The following KDM5A variants were observed in gnomAD, a reference collection of about 807,000 sequenced individuals.
KDM5A encodes lysine demethylase 5A, also known as lysine-specific demethylase 5A.
In KDM5A, 42 loss-of-function variants were observed where a neutral mutation model predicts 193.5. The ratio of observed to expected loss-of-function variants is 0.22; its 90% CI spans 0.17 to 0.28. The LOEUF (loss-of-function observed/expected upper bound fraction) is 0.28, where lower values mean the gene tolerates loss of function less well. KDM5A is among the 10% of genes least tolerant of loss of function. KDM5A has a pLI of 1.00. For missense variants in KDM5A, 1,692 were observed against 2,055.1 expected (o/e 0.82, Z 3.42); for synonymous variants, 796 against 718.1 (o/e 1.11, Z -1.73).
chr12:349,856 G>T (rs138374786), intron 10 of KDM5A, among the ~76,000 whole-genome samples: 2 of 151,642 alleles, frequency 1.3e-5, no homozygotes, highest in African/African-American at 4.8e-5. Context: ...CTGGCCGGGC[G>T]CAGTGACTCA....
rs1229940123 is a variant in KDM5A at position 323,126 on chromosome 12, C to T, written c.2231G>A (p.Ser744Asn). 3 of 1,554,916 alleles carry T rather than the reference C, an allele frequency of 1.9e-6. No individual in the cohort carries two copies. The African/African-American group carries it at 4.3e-5, about 22-fold the overall frequency. ...AGCAGACAATGCTTCTGTAACACGA[C>T]TGACCCAAGTGTCATAGGACTGTGC... ...VRAQSYDTWV[S>N]RVTEALSANF... Residue 744 changes from serine (S) to asparagine (N), a missense_variant, in exon 16 of 28, where the codon AGT (serine) becomes AAT (asparagine). Physicochemically the swap from Ser to Asn is conservative, Grantham distance 46 (BLOSUM62 1). Coordinates refer to ENST00000399788, the MANE Select transcript of KDM5A (RefSeq NM_001042603.3).
At chr12:298,793 A>G (rs1457577291) in intron 24 of KDM5A, among the ~76,000 whole-genome samples, 1 of 152,124 alleles carries the variant, frequency 6.6e-6, no homozygotes, top group Non-Finnish European at 1.5e-5. Context: ...AAGGAAGCTA[A>G]GAACCTTCAG....
chr12:311,531 C>T (rs546964467), intron 20 of KDM5A, among the ~76,000 whole-genome samples: 10 of 151,962 alleles, frequency 6.6e-5, no homozygotes, highest in Non-Finnish European at 1.5e-4. Flanking sequence ...GTTACCTATA[C>T]TTATTGACTT....
At chr12:340,246 T>C (rs1943984063) in intron 10 of KDM5A, among the ~76,000 whole-genome samples, 1 of 152,108 alleles carries the variant, frequency 6.6e-6, no homozygotes, top group Non-Finnish European at 1.5e-5. Flanking sequence ...AAAAGCCCTA[T>C]GTAGAGGCCT....
chr12:368,145 A>C (rs1300893789), intron 3 of KDM5A, among the ~76,000 whole-genome samples: 1 of 152,236 alleles, frequency 6.6e-6, no homozygotes, highest in Non-Finnish European at 1.5e-5. Context: ...TGAAAATATA[A>C]AATAAGCCAG....
intron 19 of KDM5A, among the ~76,000 whole-genome samples, chr12:316,904 A>T (rs1489986149): frequency 6.6e-6 from 1 of 152,226 alleles, no homozygotes; most frequent in East Asian, 1.9e-4. Flanking sequence ...ACACAGAGGT[A>T]TTGAAATGAA....
chr12:317,950 C>T (rs1479709039), intron 19 of KDM5A, among the ~76,000 whole-genome samples, 156 bp downstream of exon 19: 1 of 152,124 alleles, frequency 6.6e-6, no homozygotes, highest in African/African-American at 2.4e-5. Flanking sequence ...AATACCTTTC[C>T]CACCTACACA....
chr12:308,132 C>T, intron 22 of KDM5A, 127 bp from the exon 23 acceptor site: 1 of 1,023,842 alleles, frequency 9.8e-7, no homozygotes, highest in Non-Finnish European at 1.5e-6. Flanking sequence ...AATGTGGGGC[C>T]CCTGGCGGTT....
chr12:330,073 G>A (rs928392755), intron 13 of KDM5A, among the ~76,000 whole-genome samples: 12 of 127,598 alleles, frequency 9.4e-5, no homozygotes, highest in South Asian at 9.2e-4. Flanking sequence ...GTGTGTGTGT[G>A]TGTGTGTGTG....
At chr12:338,159 G>A (rs2137431075) in intron 10 of KDM5A, among the ~76,000 whole-genome samples, 1 of 152,058 alleles carries the variant, frequency 6.6e-6, no homozygotes, top group Non-Finnish European at 1.5e-5. Context: ...GCCCATGGCT[G>A]GCATCTAGAC....
chr12:280,271 T>C lies in KDM5A; in HGVS notation c.*5185A>G, dbSNP rs527339503. ...TTAATGGTTGAGCTTTAAATGAAAATATTCTGGATCTTCCATTTATTGGTA... is the reference window on the plus strand; with the variant it reads ...TTAATGGTTGAGCTTTAAATGAAAACATTCTGGATCTTCCATTTATTGGTA... On this transcript the variant is annotated 3_prime_UTR_variant, in exon 28 of 28. Coordinates refer to ENST00000399788, the MANE Select transcript of KDM5A (RefSeq NM_001042603.3). 3 of 233,040 alleles carry C rather than the reference T, an allele frequency of 1.3e-5. No individual in the cohort carries two copies. Among genetic ancestry groups the C allele is most frequent in the East Asian group, 1.2e-4 (2 of 16,550 alleles). 14.4% of individuals were successfully genotyped at this position (233,040 alleles called of 1,614,324 possible).
chr12:381,061 C>G (rs933199785), intron 3 of KDM5A, among the ~76,000 whole-genome samples: 2 of 152,026 alleles, frequency 1.3e-5, no homozygotes, highest in Admixed American at 1.3e-4. Flanking sequence ...ATGGCGTGAT[C>G]TCAGCTCACC....
rs1943168026 is a variant in KDM5A, at chr12:282,534, T to C, written c.*2922A>G. On this transcript the variant is annotated 3_prime_UTR_variant, in exon 28 of 28. Coordinates refer to ENST00000399788, the MANE Select transcript of KDM5A (RefSeq NM_001042603.3). ...AAACATCTGTGGAAGAAAAATCTCC[T>C]GTCTTCTCCCCCAGCTAGAAAGCTA... 1 of 233,104 alleles carries C rather than the reference T, an allele frequency of 4.3e-6. No individual in the cohort carries two copies. The highest frequency in any genetic ancestry group is 2.2e-5 in the African/African-American group (1 of 45,360). 14.4% of individuals were successfully genotyped at this position (233,104 alleles called of 1,614,324 possible).
intron 18 of KDM5A, among the ~76,000 whole-genome samples, chr12:320,399 G>A (rs1943702706): frequency 6.6e-6 from 1 of 152,116 alleles, no homozygotes; most frequent in Admixed American, 6.5e-5. Flanking sequence ...GGGAGGCTGA[G>A]GCAGGAGAAT....
intron 3 of KDM5A, among the ~76,000 whole-genome samples, chr12:366,418 C>G (rs1320521593): frequency 6.6e-6 from 1 of 151,934 alleles, no homozygotes; most frequent in African/African-American, 2.4e-5. Context: ...ACTTAAGGAA[C>G]TCACAATATG....
chr12:354,417 C>T (rs993703289), intron 7 of KDM5A, among the ~76,000 whole-genome samples, 183 bp from the exon 8 acceptor site: 10 of 152,212 alleles, frequency 6.6e-5, no homozygotes, highest in African/African-American at 2.4e-4. Flanking sequence ...AAATTTCCTT[C>T]CAGAGTTTTT....
At chr12:308,391 A>G (rs905178398) in intron 22 of KDM5A, among the ~76,000 whole-genome samples, 2 of 152,214 alleles carry the variant, frequency 1.3e-5, no homozygotes, top group Non-Finnish European at 2.9e-5. Flanking sequence ...TTACGGATTA[A>G]ATAAGATAAC....
chr12:331,958 A>G lies in KDM5A; in HGVS notation c.1654-20T>C, dbSNP rs754121767. ...GTACACCTAAATGCAAATTGGGAAC[A>G]GGGATACAAAAATAAAAAATAAAAA... On this transcript the variant is annotated intron_variant, in intron 12 of 27. Transcript: ENST00000399788. The G allele has an allele frequency of 6.2e-7, 1 of 1,611,440 alleles. No homozygotes were observed. The highest frequency in any genetic ancestry group is 2.2e-5 in the East Asian group (1 of 44,846).
chr12:374,113 T>G (rs982263691), intron 3 of KDM5A, among the ~76,000 whole-genome samples: 15 of 152,204 alleles, frequency 9.9e-5, no homozygotes, highest in African/African-American at 3.4e-4. Context: ...GGTGCAGAGC[T>G]GATTTCAATT....
Sources: allele counts gnomAD v4.1 joint callset (sites outside exome capture counted in the v4.1 genomes callset), GRCh38; gene constraint gnomAD v4.1.1; transcripts MANE v1.5; gene names NCBI Gene and HGNC (gene_info 2026-07-23, HGNC 2026-07-21).